The following NRXN1 variants were observed in gnomAD, a reference collection of about 807,000 sequenced individuals.
NRXN1 encodes the protein neurexin-1.
Under a neutral mutation model 150.9 loss-of-function variants are expected in NRXN1, and 39 were observed. The ratio of observed to expected loss-of-function variants is 0.26; its 90% confidence interval spans 0.20 to 0.34. NRXN1 has a LOEUF of 0.34. Ranked by LOEUF, NRXN1 falls within the 10% of genes least tolerant of loss-of-function variation. The pLI is 1.00. For missense variants in NRXN1, 1,815 were observed against 1,949.9 expected (o/e 0.93, Z 1.30); for synonymous variants, 924 against 757.0 (o/e 1.22, Z -3.62).
intron 21 of NRXN1, among the ~76,000 whole-genome samples, chr2:49,975,965 C>G: frequency 6.6e-6 from 1 of 150,922 alleles, no homozygotes; most frequent in South Asian, 2.1e-4. Context: ...GCTATACTTA[C>G]TTACATAATA....
intron 8 of NRXN1, among the ~76,000 whole-genome samples, chr2:50,607,126 G>T (rs1677258359): frequency 6.6e-6 from 1 of 152,112 alleles, no homozygotes; most frequent in African/African-American, 2.4e-5. Context: ...GGGATAAAAT[G>T]CCATAAAATT....
At chr2:50,122,430 G>A (rs1335108423) in intron 18 of NRXN1, among the ~76,000 whole-genome samples, 1 of 152,210 alleles carries the variant, frequency 6.6e-6, no homozygotes, top group Non-Finnish European at 1.5e-5. Context: ...CAAGCTGACT[G>A]GCCAGAAGCC....
chr2:50,329,649 ATATATATATATATATATATATATATTTTT>A (rs2076678128), intron 17 of NRXN1, among the ~76,000 whole-genome samples: 1 of 22,020 alleles, frequency 4.5e-5, no homozygotes, highest in African/African-American at 5.2e-4. Context: ...ATATATATAT[ATATATATATATATATATATATATATTTTT>A]TTTTTTCCCC....
At chr2:50,173,840 C>T (rs1454999423) in intron 18 of NRXN1, among the ~76,000 whole-genome samples, 6 of 152,126 alleles carry the variant, frequency 3.9e-5, no homozygotes, top group African/African-American at 1.4e-4. Flanking sequence ...AGTCCTAAAT[C>T]AGTTCTTTGT....
In NRXN1 at chr2:50,531,271, C is replaced by A. The variant is rs1163896637; in HGVS notation, c.2303G>T (p.Arg768Leu). The A allele has an allele frequency of 1.2e-6, 2 of 1,613,444 alleles. No homozygotes were observed. The highest frequency in any genetic ancestry group is 1.7e-5 in the Admixed American group (1 of 59,944). ...TTSRDSADTL[R>L]LELDAGRVKL... ...CACACGTCCTGCGTCTAGCTCCAGGCGGAGGGTGTCAGCAGAGTCTCTAGA... is the reference window on the plus strand; with the variant it reads ...CACACGTCCTGCGTCTAGCTCCAGGAGGAGGGTGTCAGCAGAGTCTCTAGA... The change falls in exon 11 of 23, where the codon CGC becomes CTC. Residue 768 changes from arginine (R) to leucine (L), a missense_variant. By Grantham distance (102) the Arg-to-Leu change is moderately radical. Transcript: ENST00000401669.
chr2:50,629,993 G>A (rs568781122), intron 5 of NRXN1, among the ~76,000 whole-genome samples: 11 of 151,686 alleles, frequency 7.3e-5, no homozygotes, highest in African/African-American at 2.7e-4. Context: ...TTGGGAAAAA[G>A]TAATATTTAA....
chr2:50,120,805 C>T (rs1433569259), intron 18 of NRXN1, among the ~76,000 whole-genome samples: 1 of 152,160 alleles, frequency 6.6e-6, no homozygotes, highest in Non-Finnish European at 1.5e-5. Flanking sequence ...TCTGTCCTTA[C>T]TGTGGCAACA....
At chr2:50,767,098 T>G (rs13014442) in intron 5 of NRXN1, among the ~76,000 whole-genome samples, 41,777 of 151,946 alleles carry the variant, frequency 0.27, 6,167 homozygotes, top group Non-Finnish European at 0.34. Context: ...TGAATGCAGT[T>G]GCCCAGGAAA....
intron 10 of NRXN1, among the ~76,000 whole-genome samples, chr2:50,534,424 C>T (rs969523454): frequency 6.6e-6 from 1 of 151,702 alleles, no homozygotes; most frequent in African/African-American, 2.4e-5. Flanking sequence ...ATATTTTTTT[C>T]CAATTAGACA....
chr2:50,212,400 G>T (rs2063095297), intron 18 of NRXN1, among the ~76,000 whole-genome samples: 1 of 150,742 alleles, frequency 6.6e-6, no homozygotes, highest in Non-Finnish European at 1.5e-5. Flanking sequence ...CACCTATATG[G>T]CTAATATTAA....
chr2:50,784,174 G>T (rs1266125167), intron 5 of NRXN1, among the ~76,000 whole-genome samples: 1 of 152,100 alleles, frequency 6.6e-6, no homozygotes, highest in Non-Finnish European at 1.5e-5. Flanking sequence ...ATTACTTTGA[G>T]TAATATCAGG....
intron 5 of NRXN1, among the ~76,000 whole-genome samples, chr2:50,749,521 G>A (rs896562450): frequency 4.6e-5 from 7 of 151,972 alleles, no homozygotes; most frequent in Admixed American, 1.3e-4. Flanking sequence ...AATTTGGGAG[G>A]AGAAAATAGA....
intron 18 of NRXN1, among the ~76,000 whole-genome samples, chr2:50,100,090 T>TA (rs1251349340): frequency 2.0e-5 from 3 of 152,092 alleles, no homozygotes; most frequent in Non-Finnish European, 2.9e-5. Context: ...CTTCAAAATT[T>TA]AAAAAAATAG....
chr2:50,063,013 C>A (rs761659168), intron 19 of NRXN1, among the ~76,000 whole-genome samples: 1 of 152,090 alleles, frequency 6.6e-6, no homozygotes, highest in Non-Finnish European at 1.5e-5. Flanking sequence ...GTCATCTATA[C>A]CACAAGAGAA....
intron 2 of NRXN1, among the ~76,000 whole-genome samples, chr2:51,022,096 G>A (rs956477274): frequency 2.6e-5 from 4 of 151,956 alleles, no homozygotes; most frequent in African/African-American, 9.7e-5. Flanking sequence ...ATTCCTTTTA[G>A]ACAAGAAGAA....
At chr2:50,480,196 A>T (rs1369030385) in intron 15 of NRXN1, among the ~76,000 whole-genome samples, 1 of 152,214 alleles carries the variant, frequency 6.6e-6, no homozygotes, top group Non-Finnish European at 1.5e-5. Flanking sequence ...GACCAGTTTT[A>T]ACTGACACAT....
intron 17 of NRXN1, among the ~76,000 whole-genome samples, chr2:50,437,646 C>A (rs549253096): frequency 6.6e-6 from 1 of 152,014 alleles, no homozygotes; most frequent in Non-Finnish European, 1.5e-5. Context: ...TGTCTCTGAT[C>A]TTGAAATTAT....
intron 15 of NRXN1, among the ~76,000 whole-genome samples, chr2:50,473,992 A>G (rs1454929975): frequency 1.3e-5 from 2 of 151,962 alleles, no homozygotes; most frequent in Non-Finnish European, 2.9e-5. Flanking sequence ...CTAAAACTTA[A>G]GTTTTATAAC....
At chr2:50,972,458 G>T (rs1051143516) in intron 2 of NRXN1, among the ~76,000 whole-genome samples, 1 of 152,244 alleles carries the variant, frequency 6.6e-6, no homozygotes, top group Admixed American at 6.5e-5. Flanking sequence ...TTGGCACCAG[G>T]AACTGGTTTT....
Sources: allele counts gnomAD v4.1 joint callset (sites outside exome capture counted in the v4.1 genomes callset), GRCh38; gene constraint gnomAD v4.1.1; transcripts MANE v1.5; gene names NCBI Gene and HGNC (gene_info 2026-07-23, HGNC 2026-07-21).